Variants in SIK3 observed in about 807,000 individuals in gnomAD.
SIK3 encodes serine/threonine-protein kinase SIK3.
Under a neutral mutation model 144.2 loss-of-function variants are expected in SIK3, and 28 were observed. The ratio of observed to expected loss-of-function variants is 0.19; its 90% CI spans 0.14 to 0.27. The LOEUF (loss-of-function observed/expected upper bound fraction) is 0.27. SIK3 is among the 10% of genes least tolerant of loss of function. The pLI, the probability that SIK3 is intolerant of heterozygous loss-of-function variation, is 1.00. For synonymous variants in SIK3, 686 were observed against 676.3 expected, an observed-to-expected ratio of 1.01 and a Z score of -0.22; for missense variants, 1,319 against 1,776.0, an observed-to-expected ratio of 0.74 and a Z score of 4.62.
intron 1 of SIK3, among the ~76,000 whole-genome samples, chr11:117,062,701 G>A (rs1173498836): frequency 6.6e-6 from 1 of 152,122 alleles, no homozygotes; most frequent in Non-Finnish European, 1.5e-5. Context: ...CTAAATGCAG[G>A]CTTCAGTCCC....
intron 6 of SIK3, among the ~76,000 whole-genome samples, chr11:116,884,988 A>G (rs763774803): frequency 2.6e-5 from 4 of 152,242 alleles, no homozygotes; most frequent in Non-Finnish European, 5.9e-5. Context: ...GAAGTCCCAC[A>G]CTTCAGTAAA....
At chr11:116,940,116 A>G (rs1223091517) in intron 3 of SIK3, among the ~76,000 whole-genome samples, 1 of 152,196 alleles carries the variant, frequency 6.6e-6, no homozygotes, top group Non-Finnish European at 1.5e-5. Flanking sequence ...TTACCTAACT[A>G]TAGAAGCTGG....
chr11:116,966,289 G>A (rs990769391), intron 1 of SIK3, among the ~76,000 whole-genome samples: 16 of 152,162 alleles, frequency 1.1e-4, no homozygotes, highest in African/African-American at 3.6e-4. Flanking sequence ...CTAGTACTCA[G>A]GAGACTGAGG....
chr11:117,044,615 G>GGA (rs765232949), intron 1 of SIK3, among the ~76,000 whole-genome samples: 183 of 133,222 alleles, frequency 1.4e-3, no homozygotes, highest in African/African-American at 4.6e-3. Flanking sequence ...GTATCACCAA[G>GGA]AAAAAAAAAA....
intron 1 of SIK3, among the ~76,000 whole-genome samples, chr11:117,092,052 TG>T (rs1372367511): frequency 1.3e-5 from 2 of 152,128 alleles, no homozygotes; most frequent in African/African-American, 4.8e-5. Context: ...CCCAAAGCAC[TG>T]GAATTACAGG....
intron 4 of SIK3, among the ~76,000 whole-genome samples, chr11:116,917,762 G>A (rs1258383330): frequency 1.4e-5 from 2 of 148,026 alleles, no homozygotes; most frequent in East Asian, 2.0e-4. Context: ...GAAAGAGAGC[G>A]AGAGAGAAAG....
chr11:117,068,178 A>G (rs1159842009), intron 1 of SIK3, among the ~76,000 whole-genome samples: 1 of 152,166 alleles, frequency 6.6e-6, no homozygotes, highest in Non-Finnish European at 1.5e-5. Flanking sequence ...ATAAATACTT[A>G]GGTAGCTTAA....
intron 6 of SIK3, among the ~76,000 whole-genome samples, chr11:116,877,408 G>A (rs964581383): frequency 3.9e-5 from 6 of 152,184 alleles, no homozygotes; most frequent in African/African-American, 1.4e-4. Context: ...ATCTTACAAG[G>A]TTCTCAAAAT....
At chr11:117,025,859 C>T (rs1346204188) in intron 1 of SIK3, among the ~76,000 whole-genome samples, 4 of 152,108 alleles carry the variant, frequency 2.6e-5, no homozygotes, top group Non-Finnish European at 2.9e-5. Context: ...ACCTGGAACT[C>T]AAATCCCCTG....
At chr11:116,873,413 C>T in intron 13 of SIK3, 68 bp downstream of exon 13, 1 of 1,607,860 alleles carries the variant, frequency 6.2e-7, no homozygotes, top group South Asian at 1.1e-5. Context: ...GGGTTCCCAA[C>T]CCCAGGCTCA....
intron 20 of SIK3, 47 bp downstream of exon 20, chr11:116,859,218 A>G (rs1327802961): frequency 6.5e-7 from 1 of 1,545,968 alleles, no homozygotes; most frequent in African/African-American, 1.4e-5. Context: ...GCTTCCTCCC[A>G]CCTGGATCCC....
At chr11:116,906,202 A>T (rs76514247) in intron 4 of SIK3, among the ~76,000 whole-genome samples, 1 of 152,318 alleles carries the variant, frequency 6.6e-6, no homozygotes, top group South Asian at 2.1e-4. Context: ...TGAAAAAAAC[A>T]ATTCAAAAGA....
chr11:116,968,334 G>C (rs529415315), intron 1 of SIK3, among the ~76,000 whole-genome samples: 1 of 152,060 alleles, frequency 6.6e-6, no homozygotes, highest in South Asian at 2.1e-4. Flanking sequence ...AGTAGAGATG[G>C]GGTTTCACCA....
rs1565368928 is a variant in SIK3, at chr11:116,858,314, G to A, written c.3151C>T (p.Arg1051Trp). Residue 1051 changes from arginine (R) to tryptophan (W), a missense_variant, in exon 21 of 25, where the codon CGG (arginine) becomes TGG (tryptophan). Physicochemically the swap from Arg to Trp is moderately radical, Grantham distance 101. Transcript: ENST00000445177. The surrounding 1 kb of genome is among the most constrained non-coding windows in gnomAD (Gnocchi z 5.4). The part of the protein sequence containing the change: ...AQLIKRQQQQ[R>W]QQQQQQQQQQ... ...TGCTGCTGTTGCTGCTGCTGCTGCC[G>A]TTGTTGCTGCTGCCTTTTAATGAGC... 12 of 1,613,194 alleles carry A rather than the reference G, an allele frequency of 7.4e-6. No individual in the cohort carries two copies. The highest frequency in any genetic ancestry group is 1.1e-5 in the South Asian group (1 of 90,978).
At chr11:117,028,015 T>C (rs905645584) in intron 1 of SIK3, among the ~76,000 whole-genome samples, 1 of 152,206 alleles carries the variant, frequency 6.6e-6, no homozygotes, top group Admixed American at 6.5e-5. Flanking sequence ...TTATTACTGT[T>C]AACAATATTA....
At chr11:117,033,163 C>T (rs546305197) in intron 1 of SIK3, among the ~76,000 whole-genome samples, 6 of 152,244 alleles carry the variant, frequency 3.9e-5, no homozygotes, top group Admixed American at 3.3e-4. Context: ...TCTTTAAACT[C>T]GGGACCGTAT....
intron 1 of SIK3, among the ~76,000 whole-genome samples, chr11:117,060,565 C>A (rs989996684): frequency 1.3e-5 from 2 of 149,816 alleles, no homozygotes; most frequent in African/African-American, 4.9e-5. Flanking sequence ...CCATTGCACT[C>A]CAGCCTGGAT....
chr11:117,096,937 T>A (rs1181240692), intron 1 of SIK3, among the ~76,000 whole-genome samples: 1 of 152,194 alleles, frequency 6.6e-6, no homozygotes, highest in African/African-American at 2.4e-5. Flanking sequence ...GTAAGGGTTC[T>A]TCATTCCTCA....
chr11:116,924,216 C>CCTG (rs1453204768), intron 4 of SIK3, among the ~76,000 whole-genome samples: 3 of 151,784 alleles, frequency 2.0e-5, no homozygotes, highest in Admixed American at 6.6e-5. Flanking sequence ...ATCGCTTGAA[C>CCTG]CTGGGGGAGG....
Sources: gnomAD v4.1 joint callset for allele counts (sites outside exome capture counted in the v4.1 genomes callset) on GRCh38, gnomAD v4.1.1 for gene constraint, Gnocchi (gnomAD v3.1) non-coding constraint, MANE v1.5 for transcripts, NCBI Gene and HGNC (gene_info 2026-07-23, HGNC 2026-07-21) for gene names.